Variants in ABHD17C observed in about 807,000 individuals in gnomAD.
The protein encoded by ABHD17C is alpha/beta hydrolase domain-containing protein 17C.
Under a neutral mutation model 27.9 loss-of-function variants are expected in ABHD17C, and 11 were observed. The observed-to-expected ratio is 0.39, with a 90% confidence interval of 0.25 to 0.65. The LOEUF (loss-of-function observed/expected upper bound fraction) is 0.65, where lower values mean the gene tolerates loss of function less well. ABHD17C is among the 30% of genes least tolerant of loss of function. The pLI, the probability that ABHD17C is intolerant of heterozygous loss-of-function variation, is 0.45. For missense variants in ABHD17C, 280 were observed against 470.2 expected (o/e 0.60, Z 3.74); for synonymous variants, 233 against 209.1 (o/e 1.11, Z -0.98).
intron 1 of ABHD17C, among the ~76,000 whole-genome samples, chr15:80,705,370 TAGG>T (rs1328543268): frequency 3.3e-5 from 5 of 151,198 alleles, no homozygotes; most frequent in Non-Finnish European, 5.9e-5. Context: ...TGTGTGTGGT[TAGG>T]AGCATATATT....
intron 1 of ABHD17C, among the ~76,000 whole-genome samples, chr15:80,747,097 CTTTGA>C (rs1895298397): frequency 6.6e-6 from 1 of 151,266 alleles, no homozygotes; most frequent in Admixed American, 6.6e-5. Context: ...CTTATATTTT[CTTTGA>C]TTTATGATTT....
chr15:80,735,130 T>C (rs1026998315), intron 1 of ABHD17C, among the ~76,000 whole-genome samples: 4 of 152,188 alleles, frequency 2.6e-5, no homozygotes, highest in Admixed American at 6.5e-5. Context: ...TGAGGAGAGC[T>C]CAGGGACTGG....
In ABHD17C at chr15:80,728,248, G is replaced by A. The variant is rs180926728; in HGVS notation, c.591-21265G>A. Among the ~76,000 whole-genome samples the A allele has an allele frequency of 2.9e-3, 442 of 152,296 alleles. 5 individuals are homozygous for A. Among genetic ancestry groups the A allele is most frequent in the Non-Finnish European group, 9.3e-4 (63 of 68,018 alleles). Reference sequence around the variant, plus strand: ...GCAAGCACCTGCTGTTAAGGAGAGTGACTGTATGAACACGTGCACGCACAC... The same window carrying A: ...GCAAGCACCTGCTGTTAAGGAGAGTAACTGTATGAACACGTGCACGCACAC... On this transcript the variant is annotated intron_variant, in intron 1 of 2. Coordinates refer to ENST00000258884, the MANE Select transcript of ABHD17C (RefSeq NM_021214.2).
chr15:80,701,934 G>A (rs572543713), intron 1 of ABHD17C, among the ~76,000 whole-genome samples: 56 of 152,178 alleles, frequency 3.7e-4, no homozygotes, highest in Middle Eastern at 6.8e-3. Context: ...TGGCTCTTCC[G>A]GCTTGCCTCA....
chr15:80,745,764 G>A (rs1435982676), intron 1 of ABHD17C, among the ~76,000 whole-genome samples: 1 of 152,126 alleles, frequency 6.6e-6, no homozygotes. Context: ...AAAACCGCCT[G>A]TACCCCCAAA....
At chr15:80,712,465 C>T (rs1480621093) in intron 1 of ABHD17C, among the ~76,000 whole-genome samples, 1 of 152,208 alleles carries the variant, frequency 6.6e-6, no homozygotes, top group African/African-American at 2.4e-5. Flanking sequence ...GCCCAGGAAA[C>T]AGCCTGCCAT....
chr15:80,754,306 A>G lies in ABHD17C; in HGVS notation c.926A>G (p.Glu309Gly). The change falls in exon 3 of 3, where the codon GAG (glutamate) becomes GGG (glycine). Residue 309 changes from glutamate to glycine, a missense_variant. Physicochemically the swap from Glu to Gly is moderately conservative, Grantham distance 98 (BLOSUM62 -2). Transcript: ENST00000258884. Reference protein sequence around the residue: ...WVEGAGHNDIELYAQYLERLK... With the variant: ...WVEGAGHNDIGLYAQYLERLK... ...GAAGGGGCTGGGCATAATGACATAG[A>G]GCTTTATGCACAATACCTAGAAAGA... 1.2e-6 allele frequency: 2 copies of G among 1,613,964 alleles called. No homozygotes were observed. The highest frequency in any genetic ancestry group is 1.7e-6 in the Non-Finnish European group (2 of 1,179,878).
At chr15:80,713,059 C>T (rs962961529) in intron 1 of ABHD17C, among the ~76,000 whole-genome samples, 4 of 152,140 alleles carry the variant, frequency 2.6e-5, no homozygotes, top group Admixed American at 6.5e-5. Flanking sequence ...ACTCCACCCC[C>T]AGCCTCTTAT....
intron 1 of ABHD17C, among the ~76,000 whole-genome samples, chr15:80,744,152 C>T (rs1895251625): frequency 6.7e-6 from 1 of 148,188 alleles, no homozygotes; most frequent in Non-Finnish European, 1.5e-5. Context: ...CTAAAGGGGC[C>T]TTAGGCTGTA....
In ABHD17C at chr15:80,695,711, C is replaced by T; in HGVS notation, c.282C>T (p.Arg94=). The change falls in exon 1 of 3, where the codon CGC becomes CGT. Residue 94 remains arginine, a synonymous_variant. Transcript: ENST00000258884. This position sits in a 1 kb window ranked among gnomAD's most constrained non-coding sequence, Gnocchi z 4.3. Reference sequence around the variant, plus strand: ...CGTGCAGCCTGCACCTCAGCGAGCGCGCCGACTGGCAGTACTCGCAGCGCG... The same window carrying T: ...CGTGCAGCCTGCACCTCAGCGAGCGTGCCGACTGGCAGTACTCGCAGCGCG... ...PGACSLHLSE[R]ADWQYSQREL... The T allele has an allele frequency of 2.0e-6, 3 of 1,532,166 alleles. No homozygotes were observed. In the South Asian group the frequency reaches 3.6e-5, roughly 18 times the overall value. The allele number at this position is 1,532,166 out of a possible 1,614,324, so 94.9% of individuals were successfully genotyped here. A position where few individuals can be genotyped will look rare whatever the true frequency, so the allele number is the denominator to read the frequency against.
Position 80,728,818 on chromosome 15 carries a change from C to T in ABHD17C, c.591-20695C>T, listed in dbSNP as rs375504115. On this transcript the variant is annotated intron_variant, in intron 1 of 2. Coordinates refer to ENST00000258884, the MANE Select transcript of ABHD17C (RefSeq NM_021214.2). ...TAGAGATGTGGTTTCACTATGTTGT[C>T]CAGGCTGGTCTCGAACTCCTTCGTT... Among the ~76,000 whole-genome samples the T allele has an allele frequency of 3.3e-5, 5 of 152,154 alleles. No individual in the cohort carries two copies. The East Asian group carries it at 7.7e-4, about 23-fold the overall frequency.
intron 1 of ABHD17C, among the ~76,000 whole-genome samples, chr15:80,708,630 G>C (rs1894682554): frequency 6.6e-6 from 1 of 152,192 alleles, no homozygotes; most frequent in Non-Finnish European, 1.5e-5. Context: ...AGTTAAGCCT[G>C]AATACTCCAG....
At chr15:80,752,543 C>T (rs1293853067) in intron 2 of ABHD17C, among the ~76,000 whole-genome samples, 1 of 152,198 alleles carries the variant, frequency 6.6e-6, no homozygotes, top group Non-Finnish European at 1.5e-5. Context: ...TCCTCTCTCA[C>T]TGTGTTTCAT....
At chr15:80,738,414 G>A (rs1303833483) in intron 1 of ABHD17C, among the ~76,000 whole-genome samples, 2 of 152,154 alleles carry the variant, frequency 1.3e-5, no homozygotes, top group African/African-American at 4.8e-5. Context: ...AAGACTCTGG[G>A]TACCTGGATG....
At chr15:80,701,785 G>C (rs533887120) in intron 1 of ABHD17C, among the ~76,000 whole-genome samples, 6 of 152,318 alleles carry the variant, frequency 3.9e-5, no homozygotes, top group African/African-American at 1.4e-4. Context: ...AAGGCAGCCA[G>C]TATGTGAACA....
At chr15:80,751,051 GTC>G (rs1895358527) in intron 2 of ABHD17C, among the ~76,000 whole-genome samples, 1 of 151,946 alleles carries the variant, frequency 6.6e-6, no homozygotes, top group South Asian at 2.1e-4. Flanking sequence ...CTTTACAAGA[GTC>G]TTATGAAGTT....
rs1335530511 is a variant in ABHD17C at position 80,696,116 on chromosome 15, CCCT to C, written c.590+103_590+105del. 19 of 1,297,180 alleles carry C rather than the reference CCCT, an allele frequency of 1.5e-5. No homozygotes were observed. In the South Asian group the frequency reaches 2.2e-4, roughly 15 times the overall value. The allele number at this position is 1,297,180 out of a possible 1,614,324, so 80.4% of individuals were successfully genotyped here. ...TGGGGCGGCCTGCCAGGAGAGGGGC[CCCT>C]CCTCCGGGGCTGAGGGCCAGCGGAG... On this transcript the variant is annotated intron_variant, in intron 1 of 2. Coordinates refer to ENST00000258884, the MANE Select transcript of ABHD17C (RefSeq NM_021214.2).
At chr15:80,705,247 G>T (rs533363993) in intron 1 of ABHD17C, 3 of 151,738 alleles carry the variant, frequency 2.0e-5, no homozygotes, top group African/African-American at 4.8e-5. Context: ...ACTGATTCTG[G>T]CTCTTATGTC....
chr15:80,741,826 T>G (rs184079158), intron 1 of ABHD17C, among the ~76,000 whole-genome samples: 100 of 152,320 alleles, frequency 6.6e-4, no homozygotes, highest in Non-Finnish European at 1.3e-3. Context: ...TCTTGTGCTT[T>G]GGAGCCCCCG....
Sources: allele counts gnomAD v4.1 joint callset (sites outside exome capture counted in the v4.1 genomes callset), GRCh38; gene constraint gnomAD v4.1.1; non-coding constraint Gnocchi (gnomAD v3.1); transcripts MANE v1.5; gene names NCBI Gene and HGNC (gene_info 2026-07-23, HGNC 2026-07-21).